The following DLGAP1 variants were observed in gnomAD, a reference collection of about 807,000 sequenced individuals.
The protein encoded by DLGAP1 is DLG associated protein 1.
A neutral mutation model predicts 90.8 loss-of-function variants in DLGAP1; 11 were observed. That is an observed-to-expected ratio of 0.12 (90% CI 0.08 to 0.20). DLGAP1 has a LOEUF of 0.20. DLGAP1 is among the 10% of genes least tolerant of loss of function. The probability of loss-of-function intolerance (pLI) is 1.00; values close to 1 mark genes in which losing one functional copy is unlikely to be tolerated. For missense variants in DLGAP1, 1,050 were observed against 1,333.8 expected (o/e 0.79, Z 3.31); for synonymous variants, 558 against 540.7 (o/e 1.03, Z -0.44).
chr18:3,971,152 C>T (rs998501992), intron 3 of DLGAP1, among the ~76,000 whole-genome samples: 4 of 152,222 alleles, frequency 2.6e-5, no homozygotes, highest in African/African-American at 9.6e-5. Flanking sequence ...CTTTTCTCCA[C>T]CCAGCTTTCA....
chr18:3,697,557 G>C (rs528268436), intron 7 of DLGAP1, among the ~76,000 whole-genome samples: 2 of 152,248 alleles, frequency 1.3e-5, no homozygotes, highest in South Asian at 4.1e-4. Context: ...CTAAGAGACT[G>C]TTATGATTTC....
chr18:4,007,513 G>A (rs144412463), intron 2 of DLGAP1, among the ~76,000 whole-genome samples: 2,312 of 151,914 alleles, frequency 0.015, 58 homozygotes, highest in African/African-American at 0.054. Flanking sequence ...AAAATTAGCC[G>A]GGCGTGGTGG....
intron 8 of DLGAP1, chr18:3,580,223 C>T (rs2055408909): frequency 1.3e-6 from 2 of 1,596,412 alleles, no homozygotes; most frequent in Admixed American, 1.7e-5. Context: ...TGGACATTCC[C>T]CTCAGGTGAA....
intron 2 of DLGAP1, among the ~76,000 whole-genome samples, chr18:4,129,038 G>C (rs1219673650): frequency 6.6e-6 from 1 of 151,912 alleles, no homozygotes; most frequent in East Asian, 1.9e-4. Flanking sequence ...TTTTTGGTTT[G>C]GTAAGGAAGG....
At chr18:4,267,279 C>A (rs1387395527) in intron 1 of DLGAP1, among the ~76,000 whole-genome samples, 1 of 144,636 alleles carries the variant, frequency 6.9e-6, no homozygotes, top group African/African-American at 2.7e-5. Flanking sequence ...GTCTTACCTG[C>A]CCACCTGTGC....
At chr18:4,116,870 T>C (rs1252067806) in intron 2 of DLGAP1, among the ~76,000 whole-genome samples, 1 of 152,238 alleles carries the variant, frequency 6.6e-6, no homozygotes, top group Non-Finnish European at 1.5e-5. Context: ...GCAGTTTCTA[T>C]TCCCTGCCTT....
Position 3,736,253 on chromosome 18 carries a change from T to A in DLGAP1, c.1350+6082A>T, listed in dbSNP as rs571053120. Among the ~76,000 whole-genome samples the A allele has an allele frequency of 3.7e-4, 56 of 152,348 alleles. 1 individual carries two copies. Among genetic ancestry groups the A allele is most frequent in the African/African-American group, 1.3e-3 (55 of 41,586 alleles). On this transcript the variant is annotated intron_variant, in intron 6 of 12. Transcript: ENST00000315677. ...TATTTTTAAAATATTGGACTTTCTA[T>A]AAATACAATTCTTTCTTCTCAAGCC...
At chr18:4,441,057 C>T (rs1400515825) in intron 1 of DLGAP1, among the ~76,000 whole-genome samples, 3 of 152,218 alleles carry the variant, frequency 2.0e-5, no homozygotes, top group Non-Finnish European at 2.9e-5. Context: ...GATATTCTAA[C>T]ATCTTTTTTT....
intron 7 of DLGAP1, among the ~76,000 whole-genome samples, chr18:3,650,780 T>G (rs1036839109): frequency 1.3e-5 from 2 of 152,208 alleles, no homozygotes; most frequent in Non-Finnish European, 2.9e-5. Context: ...GTAAAAATGT[T>G]GAAACTGGCC....
At chr18:3,864,799 G>A (rs1599046003) in intron 4 of DLGAP1, among the ~76,000 whole-genome samples, 1 of 152,096 alleles carries the variant, frequency 6.6e-6, no homozygotes, top group East Asian at 1.9e-4. Flanking sequence ...CCTCTAAGGT[G>A]GCACATGTAA....
chr18:4,066,344 C>CA (rs1477647758), intron 2 of DLGAP1, among the ~76,000 whole-genome samples: 3 of 151,506 alleles, frequency 2.0e-5, no homozygotes, highest in African/African-American at 4.8e-5. Context: ...TTCTGTACAG[C>CA]AAAAAAATAA....
At position 3,499,180 on chromosome 18, in the gene DLGAP1, G is replaced by C. The variant is rs773899068; in HGVS notation, c.*5C>G. ...CTTGGCGGCGGCGGCCGGGCTGCGGGGCGCTCAGAGCCGGGTCTGCGCCTC... is the reference window on the plus strand; with the variant it reads ...CTTGGCGGCGGCGGCCGGGCTGCGGCGCGCTCAGAGCCGGGTCTGCGCCTC... On this transcript the variant is annotated 3_prime_UTR_variant, in exon 13 of 13. Transcript: ENST00000315677. This position sits in a 1 kb window ranked among gnomAD's most constrained non-coding sequence, Gnocchi z 6.4. The C allele has an allele frequency of 6.4e-7, 1 of 1,560,232 alleles. No individual in the cohort carries two copies. Among genetic ancestry groups the C allele is most frequent in the South Asian group, 1.2e-5 (1 of 86,212 alleles).
chr18:3,755,663 A>G (rs961048480), intron 5 of DLGAP1, among the ~76,000 whole-genome samples: 7 of 152,200 alleles, frequency 4.6e-5, no homozygotes, highest in Non-Finnish European at 7.3e-5. Flanking sequence ...GAGTCCCAAA[A>G]TACATGAAGC....
intron 1 of DLGAP1, among the ~76,000 whole-genome samples, chr18:4,289,171 T>C (rs967289817): frequency 1.3e-5 from 2 of 152,190 alleles, no homozygotes; most frequent in Non-Finnish European, 2.9e-5. Flanking sequence ...AAAGAAGGAC[T>C]GGCTGAATGA....
rs139550896 is a variant in DLGAP1 at position 4,226,909 on chromosome 18, T to C, written c.-266-75622A>G. ...GACTAAACTCTCCCATCAAAAGACA[T>C]AGAGTGACTGAATAGATAAAATTTT... On this transcript the variant is annotated intron_variant, in intron 1 of 12. Coordinates refer to ENST00000315677, the MANE Select transcript of DLGAP1 (RefSeq NM_004746.4). Among the ~76,000 whole-genome samples, 379 of 151,844 alleles carry C rather than the reference T, an allele frequency of 2.5e-3. 1 individual carries two copies. Among genetic ancestry groups the C allele is most frequent in the African/African-American group, 9.0e-3 (374 of 41,500 alleles).
intron 5 of DLGAP1, among the ~76,000 whole-genome samples, chr18:3,777,296 C>T (rs1387165074): frequency 6.6e-6 from 1 of 151,916 alleles, no homozygotes; most frequent in African/African-American, 2.4e-5. Context: ...TCAGAAATAC[C>T]CCCAGGGACC....
At chr18:4,402,084 C>T (rs2082567293) in intron 1 of DLGAP1, among the ~76,000 whole-genome samples, 1 of 152,184 alleles carries the variant, frequency 6.6e-6, no homozygotes, top group South Asian at 2.1e-4. Context: ...CTTACACAAT[C>T]CAATAGCAGG....
At chr18:4,363,661 A>AT (rs2081683535) in intron 1 of DLGAP1, among the ~76,000 whole-genome samples, 6 of 151,320 alleles carry the variant, frequency 4.0e-5, no homozygotes, top group South Asian at 4.2e-4. Context: ...AAAAATGCTC[A>AT]CCATCACTGG....
intron 3 of DLGAP1, among the ~76,000 whole-genome samples, chr18:3,899,841 C>T (rs1474846676): frequency 2.0e-5 from 3 of 152,262 alleles, no homozygotes; most frequent in East Asian, 3.9e-4. Context: ...AGATCCTTGG[C>T]GTATAGCTGG....
Sources: gnomAD v4.1 joint callset for allele counts (sites outside exome capture counted in the v4.1 genomes callset) on GRCh38, gnomAD v4.1.1 for gene constraint, Gnocchi (gnomAD v3.1) non-coding constraint, MANE v1.5 for transcripts, NCBI Gene and HGNC (gene_info 2026-07-23, HGNC 2026-07-21) for gene names.